The following CCSER1 variants were observed in gnomAD, a reference collection of about 807,000 sequenced individuals.
CCSER1 encodes the protein serine-rich coiled-coil domain-containing protein 1.
A neutral mutation model predicts 82.0 loss-of-function variants in CCSER1; 41 were observed. That is an observed-to-expected ratio of 0.50 (90% CI 0.39 to 0.65). The LOEUF (loss-of-function observed/expected upper bound fraction) is 0.65, where lower values mean the gene tolerates loss of function less well. Ranked by LOEUF, CCSER1 falls within the 30% of genes least tolerant of loss-of-function variation. CCSER1 has a pLI of 0.00. For synonymous variants in CCSER1, 414 were observed against 383.9 expected (o/e 1.08, Z -0.92); for missense variants, 1,119 against 1,064.2 (o/e 1.05, Z -0.72).
chr4:90,999,831 A>T (rs1737837331), intron 9 of CCSER1, among the ~76,000 whole-genome samples: 2 of 147,004 alleles, frequency 1.4e-5, no homozygotes, highest in African/African-American at 5.0e-5. Flanking sequence ...TGAGAACCTA[A>T]TCATAAATTT....
intron 10 of CCSER1, among the ~76,000 whole-genome samples, chr4:91,464,922 C>A (rs2149436311): frequency 6.6e-6 from 1 of 152,270 alleles, no homozygotes; most frequent in Non-Finnish European, 1.5e-5. Flanking sequence ...TTTAACATCC[C>A]ACTGTCAGTA....
At chr4:90,582,786 C>T (rs1410312381) in intron 5 of CCSER1, among the ~76,000 whole-genome samples, 1 of 152,180 alleles carries the variant, frequency 6.6e-6, no homozygotes, top group African/African-American at 2.4e-5. Context: ...TGATTACCTT[C>T]ACACTTTAAA....
At chr4:91,004,460 A>G (rs540519400) in intron 9 of CCSER1, among the ~76,000 whole-genome samples, 1 of 152,262 alleles carries the variant, frequency 6.6e-6, no homozygotes, top group Non-Finnish European at 1.5e-5. Context: ...ATAAGTGATC[A>G]TGAAATAATT....
chr4:90,837,616 A>G (rs905333590), intron 8 of CCSER1, among the ~76,000 whole-genome samples: 1 of 152,166 alleles, frequency 6.6e-6, no homozygotes, highest in Admixed American at 6.5e-5. Flanking sequence ...TGATTATACT[A>G]TGTAAAATAA....
At chr4:90,484,987 G>A (rs1184250008) in intron 5 of CCSER1, among the ~76,000 whole-genome samples, 1 of 152,178 alleles carries the variant, frequency 6.6e-6, no homozygotes, top group African/African-American at 2.4e-5. Flanking sequence ...GAGGCTATGG[G>A]GCAGGCAGGC....
At chr4:90,266,797 C>T (rs921564039) in intron 1 of CCSER1, among the ~76,000 whole-genome samples, 2 of 151,992 alleles carry the variant, frequency 1.3e-5, no homozygotes, top group African/African-American at 4.8e-5. Context: ...CGACAAGCCT[C>T]ATCACCATTG....
intron 10 of CCSER1, among the ~76,000 whole-genome samples, chr4:91,482,759 C>T (rs1253712860): frequency 1.3e-5 from 2 of 152,150 alleles, no homozygotes; most frequent in Admixed American, 6.5e-5. Context: ...GAATACTATG[C>T]AGCCATAAAA....
intron 10 of CCSER1, among the ~76,000 whole-genome samples, chr4:91,447,895 C>G (rs913583791): frequency 6.6e-6 from 1 of 151,924 alleles, no homozygotes; most frequent in Non-Finnish European, 1.5e-5. Context: ...ATTTTTTCTC[C>G]TATTGTCTCA....
intron 10 of CCSER1, among the ~76,000 whole-genome samples, chr4:91,149,509 T>A (rs1013436943): frequency 1.3e-5 from 2 of 152,218 alleles, no homozygotes; most frequent in Non-Finnish European, 2.9e-5. Context: ...AATTCTGGCT[T>A]TTGTTGCCAT....
chr4:91,070,861 T>C lies in CCSER1; in HGVS notation c.2173-15089T>C, dbSNP rs561555031. On this transcript the variant is annotated intron_variant, in intron 9 of 10. Transcript: ENST00000509176. ...TTTTAAAAAATAAAGTCTTTGTCACTGATTATTGTTTAGCATTTAATAGAA... is the reference window on the plus strand; with the variant it reads ...TTTTAAAAAATAAAGTCTTTGTCACCGATTATTGTTTAGCATTTAATAGAA... Among the ~76,000 whole-genome samples, 3 of 152,296 alleles carry C rather than the reference T, an allele frequency of 2.0e-5. No individual in the cohort carries two copies. In the South Asian group the frequency reaches 6.2e-4, roughly 32 times the overall value.
intron 10 of CCSER1, among the ~76,000 whole-genome samples, chr4:91,447,677 A>G (rs1298374032): frequency 6.6e-6 from 1 of 152,182 alleles, no homozygotes; most frequent in African/African-American, 2.4e-5. Context: ...ATGGTCTAAT[A>G]GTATATACTT....
chr4:90,730,325 A>T (rs2149399753), intron 7 of CCSER1, among the ~76,000 whole-genome samples: 1 of 152,218 alleles, frequency 6.6e-6, no homozygotes, highest in African/African-American at 2.4e-5. Flanking sequence ...GGTCTCTCTT[A>T]GTATTAGAAA....
At chr4:90,455,791 T>C (rs1047617294) in intron 4 of CCSER1, among the ~76,000 whole-genome samples, 3 of 152,146 alleles carry the variant, frequency 2.0e-5, no homozygotes, top group African/African-American at 7.2e-5. Flanking sequence ...ATCTATGCCA[T>C]GGGTAGGAGG....
At chr4:90,335,440 G>A (rs1222974096) in intron 3 of CCSER1, among the ~76,000 whole-genome samples, 2 of 152,142 alleles carry the variant, frequency 1.3e-5, no homozygotes, top group Non-Finnish European at 2.9e-5. Flanking sequence ...AAGCTTGTAG[G>A]TTGTCAGGAT....
intron 4 of CCSER1, among the ~76,000 whole-genome samples, chr4:90,402,437 TGTG>T (rs1220089537): frequency 3.3e-5 from 5 of 152,206 alleles, no homozygotes; most frequent in Non-Finnish European, 5.9e-5. Context: ...TAGAGATAAA[TGTG>T]GTGGTACCAA....
chr4:90,850,840 A>G (rs778395698), intron 8 of CCSER1, among the ~76,000 whole-genome samples: 1 of 152,196 alleles, frequency 6.6e-6, no homozygotes, highest in Non-Finnish European at 1.5e-5. Context: ...GTGTTTTTAA[A>G]TGTGAGGACA....
intron 7 of CCSER1, among the ~76,000 whole-genome samples, chr4:90,777,745 T>C (rs1753131598): frequency 6.6e-6 from 1 of 152,100 alleles, no homozygotes; most frequent in Non-Finnish European, 1.5e-5. Flanking sequence ...TTTCAGCGTA[T>C]TGTACATGTG....
chr4:90,438,775 T>G (rs1759419559), intron 4 of CCSER1, among the ~76,000 whole-genome samples: 1 of 45,550 alleles, frequency 2.2e-5, no homozygotes, highest in Non-Finnish European at 3.8e-5. Context: ...TTTGATATCT[T>G]CTATCTATCT....
intron 9 of CCSER1, among the ~76,000 whole-genome samples, chr4:91,018,533 T>C (rs907414555): frequency 6.6e-6 from 1 of 152,134 alleles, no homozygotes; most frequent in Non-Finnish European, 1.5e-5. Context: ...CCCTAGTTTA[T>C]AGTCCTTAAT....
Sources: allele counts gnomAD v4.1 joint callset (sites outside exome capture counted in the v4.1 genomes callset), GRCh38; gene constraint gnomAD v4.1.1; transcripts MANE v1.5; gene names NCBI Gene and HGNC (gene_info 2026-07-23, HGNC 2026-07-21).